OOSP3: variants seen among roughly 807,000 people sequenced by gnomAD.
OOSP3 encodes oocyte secreted protein family member 3, also known as oocyte-secreted protein 3.
intron 2 of OOSP3, among the ~76,000 whole-genome samples, chr11:59,882,499 G>C (rs1364497039): frequency 6.6e-6 from 1 of 152,018 alleles, no homozygotes; most frequent in Non-Finnish European, 1.5e-5. Context: ...ATGAGTCAAA[G>C]AATCTCTACC....
chr11:59,883,733 C>T (rs932956310), intron 2 of OOSP3, among the ~76,000 whole-genome samples: 3 of 152,120 alleles, frequency 2.0e-5, no homozygotes, highest in Non-Finnish European at 4.4e-5. Flanking sequence ...TTAAGAAAGA[C>T]AGGGGACTGC....
chr11:59,884,507 C>CTCTG (rs1853234935), intron 2 of OOSP3, among the ~76,000 whole-genome samples: 1 of 147,160 alleles, frequency 6.8e-6, no homozygotes, highest in South Asian at 2.1e-4. Context: ...CTCTCTCTCT[C>CTCTG]TCTCTCTCTC....
At chr11:59,882,116 G>C (rs1261469286) in intron 2 of OOSP3, among the ~76,000 whole-genome samples, 1 of 152,096 alleles carries the variant, frequency 6.6e-6, no homozygotes, top group Non-Finnish European at 1.5e-5. Context: ...CATTACAAAG[G>C]CCAAAGAATT....
intron 2 of OOSP3, among the ~76,000 whole-genome samples, chr11:59,893,464 C>A (rs1163666285): frequency 1.3e-5 from 2 of 152,160 alleles, no homozygotes; most frequent in Admixed American, 1.3e-4. Flanking sequence ...CTCCTGGACT[C>A]AAGTAATCCT....
intron 2 of OOSP3, among the ~76,000 whole-genome samples, chr11:59,888,606 T>C (rs1853283238): frequency 6.6e-6 from 1 of 152,232 alleles, no homozygotes; most frequent in Non-Finnish European, 1.5e-5. Context: ...TGTTTATTGA[T>C]TTGCATATGT....
intron 2 of OOSP3, among the ~76,000 whole-genome samples, chr11:59,893,358 G>C (rs1282212143): frequency 3.9e-5 from 6 of 152,048 alleles, no homozygotes; most frequent in African/African-American, 7.2e-5. Context: ...AACTGTAGTG[G>C]CTTTTTTTTC....
At chr11:59,885,567 A>G (rs1021644491) in intron 2 of OOSP3, among the ~76,000 whole-genome samples, 1 of 152,228 alleles carries the variant, frequency 6.6e-6, no homozygotes, top group East Asian at 1.9e-4. Context: ...GAAAACATGC[A>G]GTATTTGATT....
chr11:59,887,121 G>T (rs532704545), intron 2 of OOSP3, among the ~76,000 whole-genome samples: 34 of 148,302 alleles, frequency 2.3e-4, no homozygotes, highest in East Asian at 2.0e-3. Flanking sequence ...TTTTTTTTTT[G>T]TTGTTTTTTT....
intron 2 of OOSP3, among the ~76,000 whole-genome samples, chr11:59,886,738 T>C (rs1853263221): frequency 6.6e-6 from 1 of 152,198 alleles, no homozygotes; most frequent in Non-Finnish European, 1.5e-5. Context: ...TTTATGTTTT[T>C]TGGCCACATG....
chr11:59,894,630 A>G (rs2134533263), intron 3 of OOSP3, among the ~76,000 whole-genome samples: 1 of 152,288 alleles, frequency 6.6e-6, no homozygotes, highest in South Asian at 2.1e-4. Flanking sequence ...TTTACCTTCT[A>G]TGTCCTGCTT....
chr11:59,891,416 C>T (rs1287883624), intron 2 of OOSP3, among the ~76,000 whole-genome samples: 1 of 152,206 alleles, frequency 6.6e-6, no homozygotes, highest in Non-Finnish European at 1.5e-5. Flanking sequence ...TTGGATGTAT[C>T]TACCTTTGAC....
intron 2 of OOSP3, among the ~76,000 whole-genome samples, chr11:59,892,713 T>A (rs531859985): frequency 2.6e-5 from 4 of 151,230 alleles, no homozygotes; most frequent in South Asian, 2.1e-4. Context: ...AAAAAAAAAA[T>A]GACAATTCTC....
chr11:59,884,481 C>CTA (rs1398983594), intron 2 of OOSP3, among the ~76,000 whole-genome samples: 1 of 16,214 alleles, frequency 6.2e-5, no homozygotes, highest in Non-Finnish European at 1.9e-4. Flanking sequence ...GTCTGTCTCT[C>CTA]TCTCTCTCTC....
chr11:59,885,209 G>A (rs1165360090), intron 2 of OOSP3, among the ~76,000 whole-genome samples: 1 of 151,976 alleles, frequency 6.6e-6, no homozygotes, highest in East Asian at 1.9e-4. Flanking sequence ...CCTTTTCCTG[G>A]GATAAATCCC....
At chr11:59,889,243 A>G (rs904860981) in intron 2 of OOSP3, among the ~76,000 whole-genome samples, 66 of 151,380 alleles carry the variant, frequency 4.4e-4, no homozygotes, top group African/African-American at 1.6e-3. Context: ...TTTTTTTCCA[A>G]AAAAGCAGCT....
At chr11:59,891,365 T>C (rs1453105306) in intron 2 of OOSP3, among the ~76,000 whole-genome samples, 1 of 152,224 alleles carries the variant, frequency 6.6e-6, no homozygotes, top group African/African-American at 2.4e-5. Context: ...TTCTGGCTTT[T>C]GGAATTTTCA....
chr11:59,883,122 A>G (rs1198108814), intron 2 of OOSP3, among the ~76,000 whole-genome samples: 1 of 152,164 alleles, frequency 6.6e-6, no homozygotes. Flanking sequence ...TTGGAGTTGC[A>G]TAGTCTTTTA....
At chr11:59,891,274 G>A (rs1853309861) in intron 2 of OOSP3, among the ~76,000 whole-genome samples, 3 of 152,134 alleles carry the variant, frequency 2.0e-5, no homozygotes, top group Non-Finnish European at 4.4e-5. Context: ...GCCTACTTCT[G>A]TCAGTTCATC....
At chr11:59,894,782 T>C (rs1853341277) in intron 3 of OOSP3, among the ~76,000 whole-genome samples, 1 of 152,180 alleles carries the variant, frequency 6.6e-6, no homozygotes. Flanking sequence ...CCCATGATCA[T>C]GTAGCTAGGG....
Sources: allele counts gnomAD v4.1 joint callset (sites outside exome capture counted in the v4.1 genomes callset), GRCh38; gene constraint gnomAD v4.1.1; transcripts MANE v1.5; gene names NCBI Gene and HGNC (gene_info 2026-07-23, HGNC 2026-07-21).